The following IQSEC1 variants were observed in gnomAD, a reference collection of about 807,000 sequenced individuals.
IQSEC1 encodes the protein IQ motif and SEC7 domain-containing protein 1.
Under a neutral mutation model 91.0 loss-of-function variants are expected in IQSEC1, and 31 were observed. The observed-to-expected ratio is 0.34, with a 90% CI of 0.26 to 0.46. IQSEC1 has a LOEUF of 0.46. Among genes scored for constraint, IQSEC1 ranks in the 20% least tolerant of loss-of-function variants. The probability of loss-of-function intolerance (pLI) is 1.00; values close to 1 mark genes in which losing one functional copy is unlikely to be tolerated. For synonymous variants in IQSEC1, 699 were observed against 662.6 expected, an observed-to-expected ratio of 1.05 and a Z score of -0.84; for missense variants, 1,388 against 1,575.6, an observed-to-expected ratio of 0.88 and a Z score of 2.02.
At chr3:13,093,745 ACTGT>A (rs1356474086) in intron 2 of IQSEC1, among the ~76,000 whole-genome samples, 2 of 152,228 alleles carry the variant, frequency 1.3e-5, no homozygotes, top group African/African-American at 4.8e-5. Context: ...AGTTGGATCC[ACTGT>A]CTGGCATCCA....
At chr3:13,082,349 A>G (rs1391959315) in intron 2 of IQSEC1, among the ~76,000 whole-genome samples, 1 of 152,194 alleles carries the variant, frequency 6.6e-6, no homozygotes, top group Non-Finnish European at 1.5e-5. Context: ...TCCCCGACAA[A>G]GGGCAGTTAA....
At chr3:13,019,271 G>C (rs1703290119) in intron 1 of IQSEC1, among the ~76,000 whole-genome samples, 1 of 152,214 alleles carries the variant, frequency 6.6e-6, no homozygotes, top group Non-Finnish European at 1.5e-5. Flanking sequence ...CCTTCTCCCG[G>C]CTCCTTGACT....
At chr3:13,168,002 T>G (rs921792678) in intron 1 of IQSEC1, among the ~76,000 whole-genome samples, 2 of 152,186 alleles carry the variant, frequency 1.3e-5, no homozygotes, top group Admixed American at 6.5e-5. Flanking sequence ...CCCAAAGCAA[T>G]TGGCTCCAGT....
chr3:13,154,756 G>A (rs1391721393), intron 2 of IQSEC1, among the ~76,000 whole-genome samples: 1 of 151,792 alleles, frequency 6.6e-6, no homozygotes, highest in Non-Finnish European at 1.5e-5. Context: ...TTAGAAAATA[G>A]CCTACAAAGT....
intron 2 of IQSEC1, among the ~76,000 whole-genome samples, chr3:13,126,135 T>C (rs1047342721): frequency 6.6e-6 from 1 of 152,090 alleles, no homozygotes; most frequent in African/African-American, 2.4e-5. Flanking sequence ...CTTTAGCATA[T>C]ATTTGCACAT....
chr3:13,177,307 C>T (rs1693749932), intron 1 of IQSEC1, among the ~76,000 whole-genome samples: 1 of 152,254 alleles, frequency 6.6e-6, no homozygotes, highest in Non-Finnish European at 1.5e-5. Flanking sequence ...ACCCCAGGAG[C>T]TGGGCCTACA....
intron 1 of IQSEC1, among the ~76,000 whole-genome samples, chr3:13,002,740 T>C (rs1702473717): frequency 6.6e-6 from 1 of 152,190 alleles, no homozygotes; most frequent in South Asian, 2.1e-4. Context: ...TGAAAAGATG[T>C]TCCACATCAA....
chr3:13,057,068 C>A (rs1017348847), intron 1 of IQSEC1, among the ~76,000 whole-genome samples: 1 of 152,142 alleles, frequency 6.6e-6, no homozygotes, highest in African/African-American at 2.4e-5. Flanking sequence ...CAGAGACGGG[C>A]GGTATCTATG....
intron 1 of IQSEC1, among the ~76,000 whole-genome samples, chr3:12,982,754 G>A (rs906796391): frequency 1.2e-4 from 18 of 152,204 alleles, no homozygotes; most frequent in Non-Finnish European, 1.9e-4. Flanking sequence ...GCAGCCCCTA[G>A]TACTGACAGG....
chr3:13,084,928 C>T (rs1705710581), intron 2 of IQSEC1, among the ~76,000 whole-genome samples: 1 of 150,612 alleles, frequency 6.6e-6, no homozygotes, highest in African/African-American at 2.4e-5. Context: ...ATGCAAAAGG[C>T]CTGAAAATGT....
chr3:12,969,332 C>G (rs1239292183), intron 1 of IQSEC1, among the ~76,000 whole-genome samples: 3 of 152,198 alleles, frequency 2.0e-5, no homozygotes, highest in Non-Finnish European at 2.9e-5. Flanking sequence ...AAAAGATGCT[C>G]TCAACCTCAC....
chr3:13,196,010 G>T (rs1240395053), intron 1 of IQSEC1, among the ~76,000 whole-genome samples: 1 of 152,180 alleles, frequency 6.6e-6, no homozygotes, highest in Non-Finnish European at 1.5e-5. Context: ...TGAATAGAAG[G>T]TTACTTTTTT....
chr3:13,204,225 A>G (rs28630998), intron 1 of IQSEC1, among the ~76,000 whole-genome samples: 31,404 of 152,284 alleles, frequency 0.21, 4,177 homozygotes, highest in African/African-American at 0.38. Flanking sequence ...CGCCGCCTCC[A>G]CGTGCGACTG....
At chr3:13,056,618 T>C (rs2125077014) in intron 1 of IQSEC1, among the ~76,000 whole-genome samples, 1 of 152,142 alleles carries the variant, frequency 6.6e-6, no homozygotes, top group South Asian at 2.1e-4. Context: ...CTGTGGGCTC[T>C]GTCCCCTGCT....
At position 12,924,399 on chromosome 3, in the gene IQSEC1, G is replaced by A. The variant is rs893138566; in HGVS notation, c.1730+182C>T. On this transcript the variant is annotated intron_variant, in intron 4 of 13. Coordinates refer to ENST00000613206, the MANE Select transcript of IQSEC1 (RefSeq NM_001134382.3). The surrounding 1 kb of genome is among the most constrained non-coding windows in gnomAD (Gnocchi z 6.3). ...CATTGGAGGGCAGGTGCCCACCTGC[G>A]TGCTGGGCAGATGTGGGGCATCTGC... Among the ~76,000 whole-genome samples the A allele has an allele frequency of 3.3e-5, 5 of 152,094 alleles. No homozygotes were observed. The highest frequency in any genetic ancestry group is 1.9e-4 in the East Asian group (1 of 5,180).
intron 9 of IQSEC1, 40 bp from the exon 10 acceptor site, chr3:12,911,768 G>C (rs776795656): frequency 2.2e-6 from 3 of 1,360,046 alleles, no homozygotes; most frequent in Non-Finnish European, 3.1e-6. Context: ...ACAGTGTCTC[G>C]GGGGGCACTG....
chr3:13,196,761 T>C (rs866272633), intron 1 of IQSEC1, among the ~76,000 whole-genome samples: 2 of 131,686 alleles, frequency 1.5e-5, no homozygotes, highest in African/African-American at 3.7e-5. Context: ...TGTGTGTGTG[T>C]GTGTGTGTGT....
chr3:13,085,732 A>C (rs764553384), intron 2 of IQSEC1, among the ~76,000 whole-genome samples: 11 of 152,250 alleles, frequency 7.2e-5, no homozygotes, highest in Non-Finnish European at 1.2e-4. Flanking sequence ...CCCATTTCAC[A>C]GACGGACAGG....
chr3:12,900,466 T>G lies in IQSEC1; in HGVS notation c.*517A>C, dbSNP rs1464040139. On this transcript the variant is annotated 3_prime_UTR_variant, in exon 14 of 14. Coordinates refer to ENST00000613206, the MANE Select transcript of IQSEC1 (RefSeq NM_001134382.3). ...TACCTATACAGTATATATATATATATATTTATATATTTATATATTTATATA... is the reference window on the plus strand; with the variant it reads ...TACCTATACAGTATATATATATATAGATTTATATATTTATATATTTATATA... 1.2e-5 allele frequency: 8 copies of G among 657,550 alleles called. No homozygotes were observed. The highest frequency in any genetic ancestry group is 1.3e-4 in the Admixed American group (2 of 15,276). The allele number at this position is 657,550 out of a possible 1,614,324, so 40.7% of individuals were successfully genotyped here.
Sources: allele counts gnomAD v4.1 joint callset (sites outside exome capture counted in the v4.1 genomes callset), GRCh38; gene constraint gnomAD v4.1.1; non-coding constraint Gnocchi (gnomAD v3.1); transcripts MANE v1.5; gene names NCBI Gene and HGNC (gene_info 2026-07-23, HGNC 2026-07-21).